The following CENPW variants were observed in gnomAD, a reference collection of about 807,000 sequenced individuals.
CENPW encodes centromere protein W.
CENPW carries 3 observed loss-of-function variants against 11.1 expected under a neutral mutation model. The observed-to-expected ratio is 0.27, with a 90% CI of 0.12 to 0.70. The LOEUF (loss-of-function observed/expected upper bound fraction) is 0.70, where lower values mean the gene tolerates loss of function less well. CENPW is among the 30% of genes least tolerant of loss of function. The pLI is 0.77. For missense variants in CENPW, 100 were observed against 105.6 expected (o/e 0.95, Z 0.23); for synonymous variants, 38 against 42.0 (o/e 0.91, Z 0.37).
rs117963112 is a variant in CENPW at position 126,341,778 on chromosome 6, A to G, written c.126+1379A>G. On this transcript the variant is annotated intron_variant, in intron 1 of 2. Coordinates refer to ENST00000368328, the MANE Select transcript of CENPW (RefSeq NM_001012507.4). ...AGGGAGAGGAAATGTACCTGATCAA[A>G]GATATCCAAGAGACCACTAGCTGGT... Among the ~76,000 whole-genome samples the G allele has an allele frequency of 3.4e-3, 512 of 152,314 alleles. 4 individuals carry two copies. The highest frequency in any genetic ancestry group is 3.5e-3 in the Non-Finnish European group (236 of 68,024).
At chr6:126,446,357 G>A in the CENPW span, among the ~76,000 whole-genome samples, 1 of 126,338 alleles carries the variant, frequency 7.9e-6, no homozygotes, top group African/African-American at 3.0e-5. Context: ...CCCCTCCCTG[G>A]CCCCCCCACA....
At chr6:126,406,951 C>G in the CENPW span, among the ~76,000 whole-genome samples, 1 of 151,756 alleles carries the variant, frequency 6.6e-6, no homozygotes, top group African/African-American at 2.4e-5. Context: ...ATTTTAAGTT[C>G]CAGGGTACAT....
chr6:126,364,771 C>T, the CENPW span, among the ~76,000 whole-genome samples: 1 of 152,152 alleles, frequency 6.6e-6, no homozygotes, highest in Admixed American at 6.5e-5. Context: ...TACCTTGTCA[C>T]CCTCCTATAT....
the CENPW span, among the ~76,000 whole-genome samples, chr6:126,417,936 A>G: frequency 6.6e-6 from 1 of 152,232 alleles, no homozygotes; most frequent in Admixed American, 6.5e-5. Context: ...TAACTCAAAT[A>G]ATAAATGGGC....
the CENPW span, among the ~76,000 whole-genome samples, chr6:126,407,440 G>T: frequency 1.3e-5 from 2 of 152,042 alleles, no homozygotes; most frequent in Non-Finnish European, 2.9e-5. Flanking sequence ...TTTCCTGTGG[G>T]TATATACCCA....
At chr6:126,438,309 C>T in the CENPW span, among the ~76,000 whole-genome samples, 41 of 151,556 alleles carry the variant, frequency 2.7e-4, 1 homozygote, top group Non-Finnish European at 4.7e-4. Context: ...CATTTGGATA[C>T]AAACCTTAAA....
chr6:126,424,183 T>C, the CENPW span, among the ~76,000 whole-genome samples: 26 of 152,142 alleles, frequency 1.7e-4, no homozygotes, highest in African/African-American at 6.0e-4. Context: ...AACTTTGATG[T>C]CCTTTTAGAA....
chr6:126,368,944 C>T, the CENPW span, among the ~76,000 whole-genome samples: 1 of 152,066 alleles, frequency 6.6e-6, no homozygotes, highest in Admixed American at 6.5e-5. Flanking sequence ...ACCCTCCTCC[C>T]ACCCTTTCCC....
At chr6:126,362,772 T>C in the CENPW span, among the ~76,000 whole-genome samples, 1 of 152,206 alleles carries the variant, frequency 6.6e-6, no homozygotes, top group African/African-American at 2.4e-5. Flanking sequence ...TCTGATTTCT[T>C]CTCCTATGAT....
chr6:126,418,621 C>A, the CENPW span, among the ~76,000 whole-genome samples: 2 of 151,964 alleles, frequency 1.3e-5, no homozygotes, highest in African/African-American at 4.8e-5. Flanking sequence ...AGAGTGAATC[C>A]TAATGTAAAC....
At chr6:126,362,080 G>T in the CENPW span, among the ~76,000 whole-genome samples, 2 of 152,168 alleles carry the variant, frequency 1.3e-5, no homozygotes, top group Non-Finnish European at 2.9e-5. Context: ...GGGTCGACAG[G>T]GGCCCTGGGA....
At chr6:126,381,103 C>T in the CENPW span, among the ~76,000 whole-genome samples, 2 of 152,156 alleles carry the variant, frequency 1.3e-5, no homozygotes, top group African/African-American at 4.8e-5. Flanking sequence ...AGCAAGAATC[C>T]CCCTTACCCC....
chr6:126,392,244 T>G, the CENPW span, among the ~76,000 whole-genome samples: 1 of 151,928 alleles, frequency 6.6e-6, no homozygotes. Context: ...GTAAAAAGGA[T>G]TACTTTCTTG....
the CENPW span, among the ~76,000 whole-genome samples, chr6:126,403,989 A>G: frequency 3.3e-5 from 5 of 152,178 alleles, no homozygotes; most frequent in African/African-American, 1.2e-4. Context: ...AGCCTCATTT[A>G]CAGTTCCAAA....
the CENPW span, among the ~76,000 whole-genome samples, chr6:126,421,480 T>A: frequency 6.6e-6 from 1 of 152,120 alleles, no homozygotes; most frequent in South Asian, 2.1e-4. Context: ...TTATTTTTCC[T>A]GTCATTTTAT....
At chr6:126,397,852 T>G in the CENPW span, among the ~76,000 whole-genome samples, 1 of 152,228 alleles carries the variant, frequency 6.6e-6, no homozygotes, top group Non-Finnish European at 1.5e-5. Context: ...TGCTTTCTGT[T>G]GACTCAGAGC....
chr6:126,418,021 G>A, the CENPW span, among the ~76,000 whole-genome samples: 1 of 152,134 alleles, frequency 6.6e-6, no homozygotes, highest in Non-Finnish European at 1.5e-5. Context: ...TTAGCTCTCA[G>A]GGAAACACAA....
chr6:126,410,056 G>A, the CENPW span, among the ~76,000 whole-genome samples: 1 of 151,274 alleles, frequency 6.6e-6, no homozygotes, highest in Admixed American at 6.6e-5. Flanking sequence ...TTATTCTCTT[G>A]TCCTTTTCTT....
the CENPW span, among the ~76,000 whole-genome samples, chr6:126,388,123 G>A: frequency 6.6e-6 from 1 of 151,896 alleles, no homozygotes; most frequent in Admixed American, 6.6e-5. Flanking sequence ...TATAAAGGAA[G>A]GTGACTAAAC....
Sources: allele counts gnomAD v4.1 joint callset (sites outside exome capture counted in the v4.1 genomes callset), GRCh38; gene constraint gnomAD v4.1.1; transcripts MANE v1.5; gene names NCBI Gene and HGNC (gene_info 2026-07-23, HGNC 2026-07-21).